The following ABCA3 variants were observed in gnomAD, a reference collection of about 807,000 sequenced individuals.
ABCA3 encodes phospholipid-transporting ATPase ABCA3.
ABCA3 carries 88 observed loss-of-function variants against 172.8 expected under a neutral mutation model. The ratio of observed to expected loss-of-function variants is 0.51; its 90% CI spans 0.43 to 0.61. The LOEUF (loss-of-function observed/expected upper bound fraction) is 0.61, where lower values mean the gene tolerates loss of function less well. Among genes scored for constraint, ABCA3 ranks in the 20% least tolerant of loss-of-function variants. ABCA3 has a pLI of 0.00. For missense variants in ABCA3, 2,164 were observed against 2,301.0 expected, an observed-to-expected ratio of 0.94 and a Z score of 1.22; for synonymous variants, 1,066 against 983.8, an observed-to-expected ratio of 1.08 and a Z score of -1.56.
In ABCA3 at chr16:2,292,252, C is replaced by A; in HGVS notation, c.2415-14G>T. Reference sequence around the variant, plus strand: ...AGACCTTCAAACCTGAAAAACAGACCCAGCATTATGAGTCACTTCTCAGTG... The same window carrying A: ...AGACCTTCAAACCTGAAAAACAGACACAGCATTATGAGTCACTTCTCAGTG... On this transcript the variant is annotated splice_polypyrimidine_tract_variant and intron_variant, in intron 18 of 32. Transcript: ENST00000301732. The A allele has an allele frequency of 6.2e-7, 1 of 1,603,008 alleles. No individual in the cohort carries two copies. Among genetic ancestry groups the A allele is most frequent in the Non-Finnish European group, 8.5e-7 (1 of 1,170,436 alleles).
chr16:2,277,045 C>G lies in ABCA3; in HGVS notation c.4984-240G>C, dbSNP rs1370175883. On this transcript the variant is annotated intron_variant, in intron 32 of 32. Coordinates refer to ENST00000301732, the MANE Select transcript of ABCA3 (RefSeq NM_001089.3). This position sits in a 1 kb window ranked among gnomAD's most constrained non-coding sequence, Gnocchi z 5.3. ...AGCCTCCTCCCTGTGCTGTTCCCAG[C>G]TCAGATTACAACCTTGAGCCAGTGA... Among the ~76,000 whole-genome samples the G allele has an allele frequency of 6.6e-6, 1 of 152,220 alleles. No individual in the cohort carries two copies. The highest frequency in any genetic ancestry group is 1.5e-5 in the Non-Finnish European group (1 of 68,042).
chr16:2,293,367 C>CT (rs71148126), intron 18 of ABCA3, among the ~76,000 whole-genome samples: 27,818 of 103,436 alleles, frequency 0.27, 4,512 homozygotes, highest in East Asian at 0.46. Context: ...GCCAAAATGC[C>CT]TTTTTTTTTT....
chr16:2,326,515 G>A (rs1316513806), intron 3 of ABCA3, 23 bp from the exon 4 acceptor site: 2 of 1,582,922 alleles, frequency 1.3e-6, no homozygotes, highest in Admixed American at 1.8e-5. Context: ...CAAAGACAGA[G>A]AGTGTGGGTG....
At position 2,280,530 on chromosome 16, in the gene ABCA3, C is replaced by G. The variant is rs2238465; in HGVS notation, c.4359+497G>C. Among the ~76,000 whole-genome samples the G allele has an allele frequency of 6.6e-5, 10 of 152,350 alleles. No individual in the cohort carries two copies. In the East Asian group the frequency reaches 1.9e-3, roughly 29 times the overall value. On this transcript the variant is annotated intron_variant, in intron 28 of 32. Coordinates refer to ENST00000301732, the MANE Select transcript of ABCA3 (RefSeq NM_001089.3). ...TCAGGAGAGGACTCCGCGGCCACTT[C>G]TCAGCCCCAGGCCCTGCTTACCATT...
rs953306500 is a variant in ABCA3, at chr16:2,301,090, G to C, written c.1468-942C>G. On this transcript the variant is annotated intron_variant, in intron 12 of 32. Coordinates refer to ENST00000301732, the MANE Select transcript of ABCA3 (RefSeq NM_001089.3). ...CTAAAAATACAAAAAAATTAGCCGGGCGTGGTGGTGGGCGCCTATAGTCCC... is the reference window on the plus strand; with the variant it reads ...CTAAAAATACAAAAAAATTAGCCGGCCGTGGTGGTGGGCGCCTATAGTCCC... Among the ~76,000 whole-genome samples the C allele has an allele frequency of 9.2e-5, 14 of 151,650 alleles. 2 individuals are homozygous for C. The East Asian group carries it at 1.2e-3, about 13-fold the overall frequency.
chr16:2,317,095 C>A (rs978731519), intron 10 of ABCA3, among the ~76,000 whole-genome samples, 188 bp downstream of exon 10: 65 of 152,228 alleles, frequency 4.3e-4, no homozygotes, highest in African/African-American at 1.4e-3. Flanking sequence ...CACCTGCCTT[C>A]TCTGAATTCT....
At chr16:2,316,570 C>T (rs1308331169) in intron 10 of ABCA3, among the ~76,000 whole-genome samples, 1 of 129,652 alleles carries the variant, frequency 7.7e-6, no homozygotes, top group Non-Finnish European at 1.6e-5. Flanking sequence ...CCCAGCTACT[C>T]AAGAGGCTGA....
chr16:2,289,405 G>T, intron 20 of ABCA3, 29 bp downstream of exon 20: 2 of 994,946 alleles, frequency 2.0e-6, no homozygotes, highest in Non-Finnish European at 2.9e-6. Flanking sequence ...CCCTTCCCCC[G>T]CCACCCGCCC....
At chr16:2,292,286 G>C in intron 18 of ABCA3, 48 bp from the exon 19 acceptor site, 2 of 1,521,332 alleles carry the variant, frequency 1.3e-6, no homozygotes, top group Non-Finnish European at 9.1e-7. Context: ...TGACTTTCTA[G>C]ATAATTTGTT....
Position 2,284,560 on chromosome 16 carries a change from A to C in ABCA3, c.3704-123T>G. Reference sequence around the variant, plus strand: ...TGTGTGGAGTGAGGGGGCACCTCCCAGGGACGCCCCTGCCGGCTCTGCACA... The same window carrying C: ...TGTGTGGAGTGAGGGGGCACCTCCCCGGGACGCCCCTGCCGGCTCTGCACA... On this transcript the variant is annotated intron_variant, in intron 24 of 32. Coordinates refer to ENST00000301732, the MANE Select transcript of ABCA3 (RefSeq NM_001089.3). This position sits in a 1 kb window ranked among gnomAD's most constrained non-coding sequence, Gnocchi z 5.9. 2 of 1,429,270 alleles carry C rather than the reference A, an allele frequency of 1.4e-6. No individual in the cohort carries two copies. Among genetic ancestry groups the C allele is most frequent in the Non-Finnish European group, 2.0e-6 (2 of 1,021,398 alleles). The allele number at this position is 1,429,270 out of a possible 1,614,324, so 88.5% of individuals were successfully genotyped here.
At chr16:2,308,189 C>T (rs1236939722) in intron 11 of ABCA3, among the ~76,000 whole-genome samples, 1 of 147,664 alleles carries the variant, frequency 6.8e-6, no homozygotes, top group Non-Finnish European at 1.5e-5. Context: ...TCTTGTCCTC[C>T]GAGCTTTGGG....
At position 2,297,351 on chromosome 16, in the gene ABCA3, C is replaced by G. The variant is rs148046277; in HGVS notation, c.2241G>C (p.Ser747=). 2.5e-6 allele frequency: 4 copies of G among 1,611,936 alleles called. No individual in the cohort carries two copies. The highest frequency in any genetic ancestry group is 1.1e-5 in the South Asian group (1 of 91,002). The change falls in exon 17 of 33, where the codon TCG becomes TCC. Residue 747 remains serine (S), a synonymous_variant. Transcript: ENST00000301732. The surrounding 1 kb of genome is among the most constrained non-coding windows in gnomAD (Gnocchi z 5.6). ...AKGELQCCGS[S]LFLKQKYGAG... ...CACCGTATTTCTGCTTGAGGAACAGCGAGGACCCGCAGCACTGCAGCTCCC... is the reference window on the plus strand; with the variant it reads ...CACCGTATTTCTGCTTGAGGAACAGGGAGGACCCGCAGCACTGCAGCTCCC...
At position 2,319,747 on chromosome 16, in the gene ABCA3, TG is replaced by T; in HGVS notation, c.706del (p.Gln236ArgfsTer3). The T allele has an allele frequency of 1.2e-6, 2 of 1,613,922 alleles. No individual in the cohort carries two copies. Among genetic ancestry groups the T allele is most frequent in the Non-Finnish European group, 8.5e-7 (1 of 1,179,996 alleles). ...HADAATRQLF[Q>X]RLTVTIKRFP... Reference sequence around the variant, plus strand: ...CCTCTTGATGGTCACCGTCAGTCTCTGGAACAGCTGGCGTGTGGCGGCATCG... The same window carrying T: ...CCTCTTGATGGTCACCGTCAGTCTCTGAACAGCTGGCGTGTGGCGGCATCG... On this transcript the variant is annotated frameshift_variant, in exon 8 of 33. Coordinates refer to ENST00000301732, the MANE Select transcript of ABCA3 (RefSeq NM_001089.3). LOFTEE classifies it high-confidence loss of function.
chr16:2,309,146 C>T (rs535563003), intron 10 of ABCA3, among the ~76,000 whole-genome samples: 217 of 152,280 alleles, frequency 1.4e-3, no homozygotes, highest in Non-Finnish European at 2.8e-3. Flanking sequence ...TAGGGTTTCA[C>T]CGTGTTAGCC....
intron 20 of ABCA3, 52 bp downstream of exon 20, chr16:2,289,382 T>TG (rs777421213): frequency 1.9e-6 from 3 of 1,540,558 alleles, no homozygotes; most frequent in South Asian, 2.4e-5. Context: ...ATGAGGCGTT[T>TG]GGGGGCTGCT....
chr16:2,301,035 C>G (rs1246162268), intron 12 of ABCA3, among the ~76,000 whole-genome samples: 1 of 149,898 alleles, frequency 6.7e-6, no homozygotes, highest in African/African-American at 2.5e-5. Flanking sequence ...TCGAGACCAT[C>G]CTGGCTAACA....
rs1336529538 is a variant in ABCA3 at position 2,332,372 on chromosome 16, C to G, written c.-538-2518G>C. ...CCAGGGCTTCTAAACTTTTTGGACT[C>G]GCAGGGACGGGGATCAGCTACCAGC... is the stretch of plus-strand genomic sequence containing the variant. On this transcript the variant is annotated intron_variant, in intron 1 of 32. Coordinates refer to ENST00000301732, the MANE Select transcript of ABCA3 (RefSeq NM_001089.3). 3.4e-6 allele frequency: 3 copies of G among 881,446 alleles called. No homozygotes were observed. In the Admixed American group the frequency reaches 5.3e-5, roughly 16 times the overall value. 54.6% of individuals were successfully genotyped at this position (881,446 alleles called of 1,614,324 possible).
chr16:2,317,662 G>A lies in ABCA3; in HGVS notation c.976C>T (p.Leu326Phe), dbSNP rs745793790. Residue 326 changes from leucine to phenylalanine, a missense_variant, in exon 9 of 33, where the codon CTC (leucine) becomes TTC (phenylalanine). By Grantham distance (22) the Leu-to-Phe change is conservative. This residue lies in a region of ABCA3 where 1,343 missense variants were observed against 1,369.6 expected (regional missense o/e 0.98). Coordinates refer to ENST00000301732, the MANE Select transcript of ABCA3 (RefSeq NM_001089.3). ...GCCATGCTCACCTTGACACAGAAGA[G>A]CAGGGTCATGAAGGAGGCGGCGATG... ...LLIAASFMTL[L>F]FCVKVKPNVA... 2.5e-6 allele frequency: 4 copies of A among 1,614,214 alleles called. 1 individual carries two copies. The South Asian group carries it at 4.4e-5, about 18-fold the overall frequency.
chr16:2,332,004 C>A (rs2093744026), intron 1 of ABCA3, among the ~76,000 whole-genome samples: 3 of 152,174 alleles, frequency 2.0e-5, no homozygotes, highest in Non-Finnish European at 4.4e-5. Context: ...CATTGAGTAT[C>A]TCAATGTTTG....
Sources: allele counts gnomAD v4.1 joint callset (sites outside exome capture counted in the v4.1 genomes callset), GRCh38; gene constraint gnomAD v4.1.1; regional missense constraint gnomAD v4.1.1; non-coding constraint Gnocchi (gnomAD v3.1); transcripts MANE v1.5; gene names NCBI Gene and HGNC (gene_info 2026-07-23, HGNC 2026-07-21).